The following ZMIZ1 variants were observed in gnomAD, a reference collection of about 807,000 sequenced individuals.
The protein encoded by ZMIZ1 is zinc finger MIZ domain-containing protein 1.
ZMIZ1 carries 17 observed loss-of-function variants against 113.9 expected under a neutral mutation model. The observed-to-expected ratio is 0.15, with a 90% CI of 0.10 to 0.22. The LOEUF (loss-of-function observed/expected upper bound fraction) is 0.22. Among genes scored for constraint, ZMIZ1 ranks in the 10% least tolerant of loss-of-function variants. The probability of loss-of-function intolerance (pLI) is 1.00; values close to 1 mark genes in which losing one functional copy is unlikely to be tolerated. For synonymous variants in ZMIZ1, 607 were observed against 603.1 expected (o/e 1.01, Z -0.09); for missense variants, 1,059 against 1,477.8 (o/e 0.72, Z 4.65).
chr10:79,176,097 A>G (rs1360613982), intron 4 of ZMIZ1, among the ~76,000 whole-genome samples: 1 of 152,030 alleles, frequency 6.6e-6, no homozygotes, highest in African/African-American at 2.4e-5. Flanking sequence ...GGAGGACACA[A>G]TGGAGGGAGG....
At chr10:79,304,643 G>T (rs1174927712) in intron 19 of ZMIZ1, among the ~76,000 whole-genome samples, 1 of 152,214 alleles carries the variant, frequency 6.6e-6, no homozygotes, top group African/African-American at 2.4e-5. Context: ...CTGGAACCTG[G>T]GTGTGGTGGG....
At chr10:79,272,393 T>C (rs1446918446) in intron 7 of ZMIZ1, among the ~76,000 whole-genome samples, 1 of 152,142 alleles carries the variant, frequency 6.6e-6, no homozygotes, top group East Asian at 1.9e-4. Flanking sequence ...GTCACGTAGG[T>C]GTGAAGGGAA....
chr10:79,205,309 C>A (rs1362530490), intron 5 of ZMIZ1, among the ~76,000 whole-genome samples: 1 of 152,244 alleles, frequency 6.6e-6, no homozygotes, highest in Non-Finnish European at 1.5e-5. Flanking sequence ...CCTGCCCTGG[C>A]CCCTCCCTCC....
chr10:79,172,032 A>G (rs750509190), intron 4 of ZMIZ1, among the ~76,000 whole-genome samples: 6 of 152,200 alleles, frequency 3.9e-5, no homozygotes, highest in Non-Finnish European at 7.3e-5. Flanking sequence ...CATACACTCA[A>G]GTATCCACAG....
intron 4 of ZMIZ1, among the ~76,000 whole-genome samples, chr10:79,166,720 T>A (rs2132514885): frequency 6.6e-6 from 1 of 152,324 alleles, no homozygotes; most frequent in African/African-American, 2.4e-5. Flanking sequence ...GTTTGTATGC[T>A]CATGAATAAG....
chr10:79,216,410 C>T, intron 7 of ZMIZ1, 136 bp downstream of exon 7: 2 of 664,616 alleles, frequency 3.0e-6, no homozygotes, highest in Non-Finnish European at 2.4e-6. Context: ...TGAGGAAGAG[C>T]AACTCATCCA....
At chr10:79,111,347 A>C (rs1843730044) in intron 1 of ZMIZ1, among the ~76,000 whole-genome samples, 1 of 152,224 alleles carries the variant, frequency 6.6e-6, no homozygotes, top group Admixed American at 6.5e-5. Flanking sequence ...TTGAAGGACA[A>C]AGAGGATTTA....
intron 1 of ZMIZ1, among the ~76,000 whole-genome samples, chr10:79,092,356 G>T (rs1124439): frequency 0.27 from 40,889 of 152,198 alleles, 6,041 homozygotes; most frequent in Non-Finnish European, 0.33. Flanking sequence ...GTGACCCTAG[G>T]ACCTGGGTTT....
chr10:79,298,562 G>A lies in ZMIZ1; in HGVS notation c.1648G>A (p.Ala550Thr), dbSNP rs201132834. The change falls in exon 15 of 25, where the codon GCT (alanine) becomes ACT (threonine). Residue 550 changes from alanine (A) to threonine (T), a missense_variant. Physicochemically the swap from Ala to Thr is moderately conservative, Grantham distance 58. This residue lies in a region of ZMIZ1 where 239 missense variants were observed against 247.5 expected (regional missense o/e 0.97). Coordinates refer to ENST00000334512, the MANE Select transcript of ZMIZ1 (RefSeq NM_020338.4). ...FPPDIKPNMS[A>T]LPPPPANHND... ...GCCTGACATCAAGCCAAATATGAGCGCTCTGCCACCACCCCCAGGTGAGGG... is the reference window on the plus strand; with the variant it reads ...GCCTGACATCAAGCCAAATATGAGCACTCTGCCACCACCCCCAGGTGAGGG... 2.3e-5 allele frequency: 36 copies of A among 1,599,476 alleles called. No individual in the cohort carries two copies. Among genetic ancestry groups the A allele is most frequent in the Middle Eastern group, 3.3e-4 (2 of 5,992 alleles).
At chr10:79,106,947 G>A (rs960659435) in intron 1 of ZMIZ1, among the ~76,000 whole-genome samples, 1 of 152,206 alleles carries the variant, frequency 6.6e-6, no homozygotes, top group South Asian at 2.1e-4. Flanking sequence ...CAGGCATTTG[G>A]GCTCCGCTTT....
chr10:79,289,078 C>G (rs1014403381), intron 8 of ZMIZ1, among the ~76,000 whole-genome samples: 4 of 152,092 alleles, frequency 2.6e-5, no homozygotes, highest in Non-Finnish European at 5.9e-5. Flanking sequence ...TTGGACTCTG[C>G]CTTATAAATG....
intron 7 of ZMIZ1, among the ~76,000 whole-genome samples, chr10:79,245,617 G>A (rs1222709392): frequency 1.3e-5 from 2 of 152,164 alleles, no homozygotes; most frequent in African/African-American, 2.4e-5. Flanking sequence ...ACTCTGAGAT[G>A]AGTCCCTAGT....
intron 7 of ZMIZ1, among the ~76,000 whole-genome samples, chr10:79,236,342 G>A (rs1849585445): frequency 6.6e-6 from 1 of 152,214 alleles, no homozygotes; most frequent in South Asian, 2.1e-4. Flanking sequence ...GTGCCGCACA[G>A]CCAGGCAGGC....
intron 7 of ZMIZ1, among the ~76,000 whole-genome samples, chr10:79,264,802 G>A (rs1179216588): frequency 1.3e-5 from 2 of 152,208 alleles, no homozygotes; most frequent in African/African-American, 4.8e-5. Flanking sequence ...TAGGACTAAG[G>A]GGGCACTTTG....
intron 7 of ZMIZ1, among the ~76,000 whole-genome samples, chr10:79,216,582 C>T (rs11002874): frequency 2.0e-5 from 3 of 152,290 alleles, no homozygotes; most frequent in East Asian, 1.9e-4. Context: ...TCCATCACCA[C>T]GGTGACCCCT....
At chr10:79,193,361 T>G (rs1847688215) in intron 4 of ZMIZ1, among the ~76,000 whole-genome samples, 1 of 152,214 alleles carries the variant, frequency 6.6e-6, no homozygotes, top group African/African-American at 2.4e-5. Flanking sequence ...CCTTCTAAAG[T>G]CATCGTTATC....
chr10:79,201,262 C>T (rs949582634), intron 4 of ZMIZ1, among the ~76,000 whole-genome samples: 6 of 152,118 alleles, frequency 3.9e-5, no homozygotes, highest in African/African-American at 9.7e-5. Context: ...GAGCCGAGAT[C>T]GCGCCATTGC....
chr10:79,123,270 G>C (rs1238904435), intron 2 of ZMIZ1, among the ~76,000 whole-genome samples: 2 of 152,204 alleles, frequency 1.3e-5, no homozygotes, highest in Non-Finnish European at 2.9e-5. Flanking sequence ...GCTGTGGACC[G>C]GGCTGAGGCA....
rs1848086488 is a variant in ZMIZ1 at position 79,201,696 on chromosome 10, G to T, written c.60+4G>T. The T allele has an allele frequency of 4.3e-6, 7 of 1,612,792 alleles. No homozygotes were observed. The African/African-American group carries it at 9.3e-5, about 22-fold the overall frequency. On this transcript the variant is annotated splice_donor_region_variant and intron_variant, in intron 5 of 24. Coordinates refer to ENST00000334512, the MANE Select transcript of ZMIZ1 (RefSeq NM_020338.4). ...CCGACTGCAGTGCATCAAGCAGGTG[G>T]GTGTGGGGCAAGGCACACTCCGAGG... is the stretch of plus-strand genomic sequence containing the variant.
Sources: allele counts gnomAD v4.1 joint callset (sites outside exome capture counted in the v4.1 genomes callset), GRCh38; gene constraint gnomAD v4.1.1; regional missense constraint gnomAD v4.1.1; transcripts MANE v1.5; gene names NCBI Gene and HGNC (gene_info 2026-07-23, HGNC 2026-07-21).